GRIK2: variants seen among roughly 807,000 people sequenced by gnomAD.
GRIK2 encodes glutamate ionotropic receptor kainate type subunit 2.
In GRIK2, 32 loss-of-function variants were observed where a neutral mutation model predicts 100.3. The ratio of observed to expected loss-of-function variants is 0.32; its 90% confidence interval spans 0.24 to 0.43. The LOEUF is 0.43. Among genes scored for constraint, GRIK2 ranks in the 20% least tolerant of loss-of-function variants. The pLI is 1.00. For synonymous variants in GRIK2, 417 were observed against 389.4 expected (o/e 1.07, Z -0.83); for missense variants, 843 against 1,114.9 (o/e 0.76, Z 3.47).
At chr6:101,432,787 G>A (rs1482275463) in intron 2 of GRIK2, among the ~76,000 whole-genome samples, 2 of 152,040 alleles carry the variant, frequency 1.3e-5, no homozygotes, top group Non-Finnish European at 2.9e-5. Context: ...TATAAGCTAG[G>A]CTATTTTCTT....
intron 14 of GRIK2, among the ~76,000 whole-genome samples, chr6:102,025,531 A>G (rs950982824): frequency 5.3e-5 from 8 of 151,388 alleles, no homozygotes; most frequent in Non-Finnish European, 1.2e-4. Flanking sequence ...GAAGTGGAGA[A>G]GCGAGGCACA....
rs1307029404 is a variant in GRIK2, at chr6:101,960,412, A to G, written c.2085+31780A>G. 2.0e-5 allele frequency among the ~76,000 whole-genome samples: 3 copies of G among 152,142 alleles called. No homozygotes were observed. In the East Asian group the frequency reaches 5.8e-4, roughly 30 times the overall value. On this transcript the variant is annotated intron_variant, in intron 14 of 16. Transcript: ENST00000369134. Reference sequence around the variant, plus strand: ...AGGGGTTAAAGCACTCTGTTTTTCCATGGTGCCATAGTTTTTATGTTAGTT... The same window carrying G: ...AGGGGTTAAAGCACTCTGTTTTTCCGTGGTGCCATAGTTTTTATGTTAGTT...
chr6:101,773,831 A>G (rs1482284406), intron 7 of GRIK2, among the ~76,000 whole-genome samples: 1 of 152,176 alleles, frequency 6.6e-6, no homozygotes, highest in Non-Finnish European at 1.5e-5. Context: ...TAAGAAATTA[A>G]AAAGCTAAAA....
chr6:101,961,271 C>T (rs748406172), intron 14 of GRIK2, among the ~76,000 whole-genome samples: 1 of 152,150 alleles, frequency 6.6e-6, no homozygotes. Context: ...CTTTCCTCAA[C>T]CCCAAACAGA....
chr6:101,900,760 T>C (rs1188019676), intron 12 of GRIK2, among the ~76,000 whole-genome samples: 1 of 152,134 alleles, frequency 6.6e-6, no homozygotes, highest in Non-Finnish European at 1.5e-5. Context: ...ACGTGCCTTA[T>C]ATCTTGATGG....
intron 7 of GRIK2, among the ~76,000 whole-genome samples, chr6:101,703,560 G>A (rs1490520659): frequency 6.6e-6 from 1 of 151,784 alleles, no homozygotes; most frequent in African/African-American, 2.4e-5. Context: ...GGAATGTGAG[G>A]TGAGAGAGAA....
intron 4 of GRIK2, among the ~76,000 whole-genome samples, chr6:101,673,704 A>G (rs1770606675): frequency 6.6e-6 from 1 of 152,194 alleles, no homozygotes; most frequent in South Asian, 2.1e-4. Flanking sequence ...ACTCTGAGTT[A>G]GATTATCCTG....
chr6:101,608,110 T>C (rs2128312283), intron 2 of GRIK2, among the ~76,000 whole-genome samples: 1 of 151,996 alleles, frequency 6.6e-6, no homozygotes, highest in East Asian at 1.9e-4. Context: ...TTTTTTTCAA[T>C]AGAAAACTGA....
At chr6:101,935,509 A>G (rs1790561363) in intron 14 of GRIK2, among the ~76,000 whole-genome samples, 1 of 151,890 alleles carries the variant, frequency 6.6e-6, no homozygotes, top group Non-Finnish European at 1.5e-5. Context: ...ATAAAGGTCC[A>G]TATTTGAGAC....
intron 14 of GRIK2, among the ~76,000 whole-genome samples, chr6:102,031,381 C>G (rs180867153): frequency 6.6e-6 from 1 of 150,954 alleles, no homozygotes; most frequent in African/African-American, 2.4e-5. Flanking sequence ...AAACCTGGAC[C>G]CTGGTCAGTG....
At chr6:101,793,684 C>G (rs1273517636) in intron 7 of GRIK2, among the ~76,000 whole-genome samples, 2 of 152,208 alleles carry the variant, frequency 1.3e-5, no homozygotes. Context: ...AGGAGGCAGT[C>G]TGCCCGTTCT....
intron 14 of GRIK2, among the ~76,000 whole-genome samples, chr6:102,017,392 T>C (rs1769169315): frequency 6.6e-6 from 1 of 152,158 alleles, no homozygotes; most frequent in Non-Finnish European, 1.5e-5. Flanking sequence ...CCCCACCAGG[T>C]TCCTCCCTTG....
At chr6:101,970,709 T>TAA (rs1792993890) in intron 14 of GRIK2, among the ~76,000 whole-genome samples, 1 of 144,340 alleles carries the variant, frequency 6.9e-6, no homozygotes, top group African/African-American at 2.9e-5. Context: ...TGTGAACATC[T>TAA]GTAAACATTC....
intron 2 of GRIK2, among the ~76,000 whole-genome samples, chr6:101,413,211 C>A (rs1450350320): frequency 6.6e-6 from 1 of 151,988 alleles, no homozygotes; most frequent in Non-Finnish European, 1.5e-5. Context: ...TAACAAACCC[C>A]TATTTAAACC....
At chr6:101,512,062 A>G (rs1456940287) in intron 2 of GRIK2, among the ~76,000 whole-genome samples, 1 of 77,660 alleles carries the variant, frequency 1.3e-5, no homozygotes, top group Non-Finnish European at 2.9e-5. Flanking sequence ...ACATACATAT[A>G]TATATATATA....
intron 2 of GRIK2, among the ~76,000 whole-genome samples, chr6:101,467,980 A>G (rs1372989597): frequency 6.6e-6 from 1 of 151,272 alleles, no homozygotes; most frequent in East Asian, 2.0e-4. Flanking sequence ...TCAGGGCACG[A>G]GAAGAGAGCC....
At chr6:102,067,819 T>C (rs1772091850) in intron 16 of GRIK2, among the ~76,000 whole-genome samples, 1 of 151,870 alleles carries the variant, frequency 6.6e-6, no homozygotes, top group Non-Finnish European at 1.5e-5. Context: ...AAAAAAGACA[T>C]AATGAAATGC....
intron 8 of GRIK2, 62 bp from the exon 9 acceptor site, chr6:101,802,268 TG>T (rs1780720473): frequency 5.1e-6 from 3 of 590,986 alleles, no homozygotes; most frequent in Non-Finnish European, 8.8e-6. Context: ...CCTACTTTTG[TG>T]AAAAAATGTT....
intron 14 of GRIK2, among the ~76,000 whole-genome samples, chr6:101,965,326 A>G (rs1792591761): frequency 6.6e-6 from 1 of 151,982 alleles, no homozygotes; most frequent in African/African-American, 2.4e-5. Flanking sequence ...TGTAAACCTT[A>G]TTTTTTCAAT....
Sources: gnomAD v4.1 joint callset for allele counts (sites outside exome capture counted in the v4.1 genomes callset) on GRCh38, gnomAD v4.1.1 for gene constraint, MANE v1.5 for transcripts, NCBI Gene and HGNC (gene_info 2026-07-23, HGNC 2026-07-21) for gene names.